The following COX5A variants were observed in gnomAD, a reference collection of about 807,000 sequenced individuals.
COX5A encodes the protein cytochrome c oxidase subunit 5A, also known as cytochrome c oxidase subunit 5A, mitochondrial.
A neutral mutation model predicts 16.1 loss-of-function variants in COX5A; 6 were observed. That is an observed-to-expected ratio of 0.37 (90% CI 0.20 to 0.73). The LOEUF (loss-of-function observed/expected upper bound fraction) is 0.73, where lower values mean the gene tolerates loss of function less well. COX5A is among the 30% of genes least tolerant of loss of function. The pLI is 0.50. For synonymous variants in COX5A, 73 were observed against 73.8 expected, an observed-to-expected ratio of 0.99 and a Z score of 0.06; for missense variants, 159 against 194.9, an observed-to-expected ratio of 0.82 and a Z score of 1.10.
chr15:74,926,200 C>CG (rs113385936), intron 3 of COX5A, among the ~76,000 whole-genome samples: 2 of 148,344 alleles, frequency 1.3e-5, no homozygotes, highest in African/African-American at 4.9e-5. Context: ...CCACCACACC[C>CG]GGCTAATTTT....
intron 1 of COX5A, among the ~76,000 whole-genome samples, chr15:74,933,692 T>G (rs1225905533): frequency 6.6e-6 from 1 of 152,216 alleles, no homozygotes; most frequent in Non-Finnish European, 1.5e-5. Flanking sequence ...CTTATCAAGT[T>G]AAACACAAAC....
intron 1 of COX5A, among the ~76,000 whole-genome samples, chr15:74,930,877 TGTG>T (rs2065363891): frequency 6.7e-6 from 1 of 149,286 alleles, no homozygotes; most frequent in Admixed American, 6.7e-5. Flanking sequence ...ATTAGCCAGG[TGTG>T]GTGGCGGGCG....
intron 1 of COX5A, among the ~76,000 whole-genome samples, chr15:74,937,223 A>G (rs948620015): frequency 2.0e-5 from 3 of 152,150 alleles, no homozygotes; most frequent in Admixed American, 2.0e-4. Context: ...AAAAAACACG[A>G]AGCGTTCCTA....
At chr15:74,936,161 G>A (rs572816990) in intron 1 of COX5A, among the ~76,000 whole-genome samples, 4 of 152,088 alleles carry the variant, frequency 2.6e-5, no homozygotes, top group African/African-American at 9.6e-5. Flanking sequence ...CATGGTGGCA[G>A]GTGCCTGTAA....
chr15:74,935,862 T>G (rs958984872), intron 1 of COX5A, among the ~76,000 whole-genome samples: 1 of 150,680 alleles, frequency 6.6e-6, no homozygotes, highest in Non-Finnish European at 1.5e-5. Flanking sequence ...AGTGCTGGGA[T>G]TACAGGCGTG....
chr15:74,937,683 C>T, intron 1 of COX5A: 1 of 342,206 alleles, frequency 2.9e-6, no homozygotes, highest in East Asian at 4.2e-5. Context: ...AGGTCCACAT[C>T]TGACCTGTCC....
chr15:74,933,419 A>ATATCTATC lies in COX5A; in HGVS notation c.101-4195_101-4188dup, dbSNP rs56686416. Among the ~76,000 whole-genome samples the ATATCTATC allele has an allele frequency of 7.7e-3, 1,100 of 143,488 alleles. 7 individuals carry two copies. The highest frequency in any genetic ancestry group is 0.017 in the African/African-American group (672 of 39,762). The allele number at this position is 143,488 out of a possible 152,430, so 94.1% of individuals were successfully genotyped here. A position where few individuals can be genotyped will look rare whatever the true frequency, so the allele number is the denominator to read the frequency against. On this transcript the variant is annotated intron_variant, in intron 1 of 4. Transcript: ENST00000322347. ...GCAAGACTCCGTCTCAAAAAAAAAA[A>ATATCTATC]TATCTATCTATCTATCTATCTATCT...
Position 74,923,755 on chromosome 15 carries a change from G to A in COX5A, c.355C>T (p.His119Tyr), listed in dbSNP as rs373234339. Residue 119 changes from histidine (H) to tyrosine (Y), a missense_variant, in exon 4 of 5, where the codon CAT becomes TAT. Physicochemically the swap from His to Tyr is moderately conservative, Grantham distance 83. Coordinates refer to ENST00000322347, the MANE Select transcript of COX5A (RefSeq NM_004255.4). ...LEVVKDKAGP[H>Y]KEIYPYVIQE... ...ATGACATAGGGGTAGATTTCCTTATGAGGTCCTGCTTTGTCCTGATGGCAA... is the reference window on the plus strand; with the variant it reads ...ATGACATAGGGGTAGATTTCCTTATAAGGTCCTGCTTTGTCCTGATGGCAA... The A allele has an allele frequency of 1.9e-6, 3 of 1,604,554 alleles. No individual in the cohort carries two copies. Among genetic ancestry groups the A allele is most frequent in the South Asian group, 1.1e-5 (1 of 90,812 alleles).
chr15:74,932,676 T>G (rs1206609895), intron 1 of COX5A, among the ~76,000 whole-genome samples: 1 of 151,418 alleles, frequency 6.6e-6, no homozygotes, highest in Non-Finnish European at 1.5e-5. Flanking sequence ...ATAAATGGAC[T>G]AGAAGTGAAC....
intron 4 of COX5A, among the ~76,000 whole-genome samples, chr15:74,922,664 C>CT (rs941924508): frequency 0.029 from 3,745 of 128,392 alleles, 179 homozygotes; most frequent in African/African-American, 0.085. Flanking sequence ...CAAGTTGAGT[C>CT]TTTTTTTTTT....
intron 4 of COX5A, among the ~76,000 whole-genome samples, chr15:74,922,096 C>T (rs556409366): frequency 6.6e-5 from 10 of 152,164 alleles, no homozygotes; most frequent in East Asian, 1.9e-4. Context: ...AGCTTTAAAA[C>T]GAGATCCCAC....
chr15:74,932,049 CTTAAGT>C (rs1718533312), intron 1 of COX5A, among the ~76,000 whole-genome samples: 1 of 152,204 alleles, frequency 6.6e-6, no homozygotes, highest in South Asian at 2.1e-4. Context: ...GGAAAATTAA[CTTAAGT>C]TTATTTTCCT....
At chr15:74,920,572 TCC>T in intron 4 of COX5A, 130 bp from the exon 5 acceptor site, 1 of 594,088 alleles carries the variant, frequency 1.7e-6, no homozygotes. Flanking sequence ...TCTTACTTAA[TCC>T]TGCCTACTGT....
At chr15:74,934,025 G>A (rs1194972312) in intron 1 of COX5A, among the ~76,000 whole-genome samples, 3 of 152,144 alleles carry the variant, frequency 2.0e-5, no homozygotes, top group South Asian at 2.1e-4. Flanking sequence ...ACTTTGAGAG[G>A]CCAAGGCAGG....
intron 1 of COX5A, among the ~76,000 whole-genome samples, chr15:74,931,831 G>GT (rs1391990212): frequency 6.6e-6 from 1 of 152,110 alleles, no homozygotes; most frequent in Non-Finnish European, 1.5e-5. Flanking sequence ...TGGGATTACA[G>GT]ACGCGAGCCA....
chr15:74,922,886 A>T (rs1173753492), intron 4 of COX5A, among the ~76,000 whole-genome samples: 1 of 151,094 alleles, frequency 6.6e-6, no homozygotes, highest in East Asian at 2.0e-4. Flanking sequence ...CGAACTCCTG[A>T]CCTTGTGATC....
chr15:74,920,707 G>A (rs2065315886), intron 4 of COX5A, among the ~76,000 whole-genome samples: 1 of 152,180 alleles, frequency 6.6e-6, no homozygotes. Context: ...GCCGGACACG[G>A]TGACTCATGC....
At chr15:74,927,620 A>G (rs2065349931) in intron 2 of COX5A, among the ~76,000 whole-genome samples, 1 of 152,088 alleles carries the variant, frequency 6.6e-6, no homozygotes, top group South Asian at 2.1e-4. Flanking sequence ...TAAAGATACA[A>G]AATTGGCCGG....
chr15:74,920,933 C>G (rs1331821964), intron 4 of COX5A, among the ~76,000 whole-genome samples: 1 of 151,666 alleles, frequency 6.6e-6, no homozygotes, highest in Non-Finnish European at 1.5e-5. Flanking sequence ...GCCGAGATCG[C>G]TTCATTGCAC....
Sources: gnomAD v4.1 joint callset for allele counts (sites outside exome capture counted in the v4.1 genomes callset) on GRCh38, gnomAD v4.1.1 for gene constraint, MANE v1.5 for transcripts, NCBI Gene and HGNC (gene_info 2026-07-23, HGNC 2026-07-21) for gene names.